The following UBE2R2 variants were observed in gnomAD, a reference collection of about 807,000 sequenced individuals.
UBE2R2 encodes ubiquitin conjugating enzyme E2 R2.
In UBE2R2, 1 loss-of-function variant was observed where a neutral mutation model predicts 27.8. That is an observed-to-expected ratio of 0.04 (90% CI 0.01 to 0.17). The LOEUF is 0.17. UBE2R2 is among the 10% of genes least tolerant of loss of function. The pLI is 1.00. For missense variants in UBE2R2, 100 were observed against 291.0 expected (o/e 0.34, Z 4.78); for synonymous variants, 106 against 113.3 (o/e 0.94, Z 0.41).
chr9:33,893,746 C>T (rs887790543), intron 2 of UBE2R2, among the ~76,000 whole-genome samples: 18 of 152,158 alleles, frequency 1.2e-4, no homozygotes, highest in Admixed American at 5.9e-4. Context: ...ATTCTCGTGC[C>T]TCAACCACCC....
At chr9:33,879,934 G>A (rs1821696101) in intron 1 of UBE2R2, among the ~76,000 whole-genome samples, 1 of 151,448 alleles carries the variant, frequency 6.6e-6, no homozygotes, top group Non-Finnish European at 1.5e-5. Flanking sequence ...CCAGGCTGGA[G>A]TGCAGTGGCA....
At chr9:33,846,958 G>T in intron 1 of UBE2R2, among the ~76,000 whole-genome samples, 1 of 143,554 alleles carries the variant, frequency 7.0e-6, no homozygotes, top group East Asian at 2.0e-4. Context: ...TCAACAACCC[G>T]TCTCAGTTTT....
intron 3 of UBE2R2, among the ~76,000 whole-genome samples, chr9:33,908,926 T>C (rs1822422846): frequency 6.6e-6 from 1 of 151,958 alleles, no homozygotes; most frequent in Non-Finnish European, 1.5e-5. Flanking sequence ...AGCCCAGGAG[T>C]TTGAGGCTGT....
chr9:33,838,468 A>G lies in UBE2R2; in HGVS notation c.177+20534A>G, dbSNP rs538005439. 7.2e-5 allele frequency among the ~76,000 whole-genome samples: 11 copies of G among 152,010 alleles called. No individual in the cohort carries two copies. The South Asian group carries it at 2.1e-3, about 29-fold the overall frequency. ...AGTTGTATTTTAAGTGTTTCATGGT[A>G]AACTTTCCTGAGATGTTTGCTAATG... is the stretch of plus-strand genomic sequence containing the variant. On this transcript the variant is annotated intron_variant, in intron 1 of 4. Coordinates refer to ENST00000263228, the MANE Select transcript of UBE2R2 (RefSeq NM_017811.4).
intron 3 of UBE2R2, among the ~76,000 whole-genome samples, chr9:33,905,194 A>C (rs1468863450): frequency 6.6e-6 from 1 of 152,222 alleles, no homozygotes; most frequent in Non-Finnish European, 1.5e-5. Flanking sequence ...AATTTCAAAA[A>C]TAAAGCGTGA....
intron 2 of UBE2R2, among the ~76,000 whole-genome samples, chr9:33,888,868 A>C (rs1432726134): frequency 6.6e-6 from 1 of 152,170 alleles, no homozygotes; most frequent in Non-Finnish European, 1.5e-5. Flanking sequence ...AGGGTCTTGA[A>C]TTTGGAGTTC....
intron 1 of UBE2R2, among the ~76,000 whole-genome samples, chr9:33,825,299 T>G (rs2130716782): frequency 6.9e-6 from 1 of 145,148 alleles, no homozygotes; most frequent in Middle Eastern, 3.7e-3. Context: ...TGGAGTGCAG[T>G]GGTACAATCT....
At chr9:33,885,844 C>G (rs1461702778) in intron 1 of UBE2R2, among the ~76,000 whole-genome samples, 1 of 152,100 alleles carries the variant, frequency 6.6e-6, no homozygotes, top group Non-Finnish European at 1.5e-5. Context: ...TTCAGGTTTT[C>G]TGGATTTCTT....
At chr9:33,858,577 AT>A (rs1821157358) in intron 1 of UBE2R2, among the ~76,000 whole-genome samples, 3 of 151,688 alleles carry the variant, frequency 2.0e-5, no homozygotes, top group Admixed American at 2.0e-4. Flanking sequence ...GGCTTTTTGT[AT>A]TTTGCTAGAG....
intron 1 of UBE2R2, among the ~76,000 whole-genome samples, chr9:33,850,186 A>G (rs1820933614): frequency 6.6e-6 from 1 of 152,142 alleles, no homozygotes; most frequent in South Asian, 2.1e-4. Flanking sequence ...TGCTATCAGA[A>G]CAAGAATTTT....
At chr9:33,873,127 A>G (rs1234152822) in intron 1 of UBE2R2, among the ~76,000 whole-genome samples, 1 of 149,786 alleles carries the variant, frequency 6.7e-6, no homozygotes, top group Non-Finnish European at 1.5e-5. Flanking sequence ...GTCAGCAGAG[A>G]TCACGCCACT....
chr9:33,908,568 T>C (rs910854119), intron 3 of UBE2R2, among the ~76,000 whole-genome samples: 1 of 152,244 alleles, frequency 6.6e-6, no homozygotes, highest in Non-Finnish European at 1.5e-5. Flanking sequence ...TAGTCTGCTG[T>C]ATTACTCAGT....
At chr9:33,875,540 G>C (rs1035054085) in intron 1 of UBE2R2, among the ~76,000 whole-genome samples, 1 of 152,112 alleles carries the variant, frequency 6.6e-6, no homozygotes, top group Non-Finnish European at 1.5e-5. Flanking sequence ...TCTTGAGTTT[G>C]GGCAACATAG....
At chr9:33,844,630 T>C (rs1820800570) in intron 1 of UBE2R2, among the ~76,000 whole-genome samples, 1 of 152,050 alleles carries the variant, frequency 6.6e-6, no homozygotes, top group African/African-American at 2.4e-5. Context: ...TTGGTGGTGT[T>C]GTTCCAAACA....
intron 1 of UBE2R2, among the ~76,000 whole-genome samples, chr9:33,841,145 C>T (rs962685165): frequency 2.0e-5 from 3 of 151,744 alleles, no homozygotes; most frequent in Non-Finnish European, 4.4e-5. Flanking sequence ...TGCAGTGGTG[C>T]GATCTCGGCT....
chr9:33,890,198 T>C (rs1464155638), intron 2 of UBE2R2, among the ~76,000 whole-genome samples: 2 of 152,178 alleles, frequency 1.3e-5, no homozygotes, highest in African/African-American at 2.4e-5. Context: ...TGATATAAAA[T>C]TTTTTCCATA....
intron 3 of UBE2R2, among the ~76,000 whole-genome samples, chr9:33,903,968 A>G (rs78121713): frequency 0.023 from 3,460 of 152,222 alleles, 52 homozygotes; most frequent in Non-Finnish European, 0.034. Flanking sequence ...CTATGTAATC[A>G]TTGGGTAGTC....
chr9:33,831,516 A>G (rs149997628), intron 1 of UBE2R2, among the ~76,000 whole-genome samples: 50 of 152,222 alleles, frequency 3.3e-4, no homozygotes, highest in African/African-American at 1.2e-3. Context: ...TCCCAAGTTC[A>G]AGCTGTTCTC....
intron 1 of UBE2R2, among the ~76,000 whole-genome samples, chr9:33,857,801 T>G (rs944535170): frequency 2.6e-5 from 4 of 152,246 alleles, no homozygotes; most frequent in African/African-American, 7.2e-5. Context: ...GACAGATTGT[T>G]GAACGGCATG....
Sources: gnomAD v4.1 joint callset for allele counts (sites outside exome capture counted in the v4.1 genomes callset) on GRCh38, gnomAD v4.1.1 for gene constraint, MANE v1.5 for transcripts, NCBI Gene and HGNC (gene_info 2026-07-23, HGNC 2026-07-21) for gene names.